Variants in TMTC1 observed in about 807,000 individuals in gnomAD.
TMTC1 encodes transmembrane O-mannosyltransferase targeting cadherins 1.
Under a neutral mutation model 104.8 loss-of-function variants are expected in TMTC1, and 73 were observed. The ratio of observed to expected loss-of-function variants is 0.70; its 90% CI spans 0.58 to 0.85. The LOEUF (loss-of-function observed/expected upper bound fraction) is 0.85, where lower values mean the gene tolerates loss of function less well. Among genes scored for constraint, TMTC1 ranks in the 40% least tolerant of loss-of-function variants. The pLI is 0.00. For synonymous variants in TMTC1, 434 were observed against 428.7 expected, an observed-to-expected ratio of 1.01 and a Z score of -0.15; for missense variants, 1,035 against 1,096.1, an observed-to-expected ratio of 0.94 and a Z score of 0.79.
At chr12:29,688,859 A>G (rs990467882) in intron 5 of TMTC1, among the ~76,000 whole-genome samples, 1 of 152,134 alleles carries the variant, frequency 6.6e-6, no homozygotes, top group African/African-American at 2.4e-5. Context: ...ACAAAGCCCA[A>G]TTTTTAGCTG....
intron 5 of TMTC1, among the ~76,000 whole-genome samples, chr12:29,680,658 G>A (rs1280012440): frequency 6.6e-6 from 1 of 152,174 alleles, no homozygotes; most frequent in Non-Finnish European, 1.5e-5. Flanking sequence ...TGAGAGTGGT[G>A]TAATTTGGGC....
Position 29,654,376 on chromosome 12 carries a change from AG to A in TMTC1, c.939-21041del, listed in dbSNP as rs138672117. Among the ~76,000 whole-genome samples, 556 of 152,326 alleles carry A rather than the reference AG, an allele frequency of 3.7e-3. 1 individual carries two copies. The highest frequency in any genetic ancestry group is 0.013 in the African/African-American group (524 of 41,572). ...ACATCATTAGCCACCAGGGAAATAT[AG>A]GTACATCAAAACCACAATAACATAC... On this transcript the variant is annotated intron_variant, in intron 5 of 17. Transcript: ENST00000539277.
At chr12:29,569,599 C>T (rs1022097190) in intron 9 of TMTC1, among the ~76,000 whole-genome samples, 4 of 152,122 alleles carry the variant, frequency 2.6e-5, no homozygotes, top group Non-Finnish European at 5.9e-5. Context: ...TTCCAGTTAC[C>T]AAGGATAAAT....
At chr12:29,719,899 C>T (rs911837897) in intron 5 of TMTC1, among the ~76,000 whole-genome samples, 1 of 152,146 alleles carries the variant, frequency 6.6e-6, no homozygotes, top group Non-Finnish European at 1.5e-5. Context: ...ATTGCCAGAA[C>T]AAGAAATTCA....
intron 5 of TMTC1, among the ~76,000 whole-genome samples, chr12:29,740,903 C>T (rs534784362): frequency 5.9e-5 from 9 of 152,216 alleles, no homozygotes; most frequent in African/African-American, 1.2e-4. Context: ...GTCCAGAAAC[C>T]GTGTTCAACA....
At chr12:29,551,553 T>A (rs1208320501) in intron 10 of TMTC1, among the ~76,000 whole-genome samples, 1 of 152,214 alleles carries the variant, frequency 6.6e-6, no homozygotes, top group Non-Finnish European at 1.5e-5. Context: ...TATTCTATTA[T>A]GTGAACAAAA....
chr12:29,762,964 T>TTGAGTCTTGCTCAAGAGC (rs2098859804), intron 2 of TMTC1, among the ~76,000 whole-genome samples: 1 of 152,222 alleles, frequency 6.6e-6, no homozygotes, highest in Non-Finnish European at 1.5e-5. Flanking sequence ...AGCCTAGCTC[T>TTGAGTCTTGCTCAAGAGC]CTAGCAACAG....
chr12:29,552,711 T>C (rs775519641), intron 10 of TMTC1, among the ~76,000 whole-genome samples: 10 of 152,240 alleles, frequency 6.6e-5, no homozygotes, highest in Non-Finnish European at 1.0e-4. Context: ...TTATCAAATA[T>C]AAACTGTTCA....
intron 5 of TMTC1, among the ~76,000 whole-genome samples, chr12:29,743,278 T>C (rs1942873262): frequency 6.6e-6 from 1 of 152,280 alleles, no homozygotes. Context: ...TTACTGGTAA[T>C]GTACACTGCC....
chr12:29,546,292 G>A (rs77685514), intron 10 of TMTC1, among the ~76,000 whole-genome samples: 2,276 of 152,298 alleles, frequency 0.015, 57 homozygotes, highest in African/African-American at 0.052. Flanking sequence ...CTTGCAGGAG[G>A]AGGGTGGCCA....
chr12:29,770,032 T>C (rs1943560703), intron 1 of TMTC1, among the ~76,000 whole-genome samples: 1 of 151,938 alleles, frequency 6.6e-6, no homozygotes, highest in African/African-American at 2.4e-5. Flanking sequence ...ATGGCAATAG[T>C]GAGAAAGGCA....
chr12:29,727,462 C>T (rs1942426679), intron 5 of TMTC1, among the ~76,000 whole-genome samples: 3 of 152,194 alleles, frequency 2.0e-5, no homozygotes, highest in Admixed American at 6.5e-5. Context: ...CTGCAAGCTC[C>T]GCCTCCTGGG....
intron 6 of TMTC1, among the ~76,000 whole-genome samples, chr12:29,627,288 T>C (rs909895790): frequency 2.6e-5 from 4 of 152,056 alleles, no homozygotes; most frequent in African/African-American, 7.2e-5. Context: ...AATTAAAAAA[T>C]GGGCAAAGAC....
At chr12:29,751,640 A>C in intron 5 of TMTC1, 26 bp downstream of exon 5, 2 of 1,613,052 alleles carry the variant, frequency 1.2e-6, no homozygotes, top group Non-Finnish European at 1.7e-6. Context: ...GAAAACATGC[A>C]GGGACCAAGA....
At chr12:29,527,787 A>C (rs906209413) in intron 11 of TMTC1, among the ~76,000 whole-genome samples, 5 of 152,176 alleles carry the variant, frequency 3.3e-5, no homozygotes, top group Admixed American at 3.3e-4. Flanking sequence ...ATAGGCAAAG[A>C]GATTATCTTT....
chr12:29,542,227 T>G (rs1179469089), intron 10 of TMTC1, among the ~76,000 whole-genome samples: 1 of 151,964 alleles, frequency 6.6e-6, no homozygotes, highest in Non-Finnish European at 1.5e-5. Context: ...GATTTTGGAG[T>G]CACAGAAAAC....
At chr12:29,781,566 C>A (rs1016408177) in intron 1 of TMTC1, among the ~76,000 whole-genome samples, 1 of 152,176 alleles carries the variant, frequency 6.6e-6, no homozygotes, top group African/African-American at 2.4e-5. Flanking sequence ...GTAGCTCATG[C>A]CCACAAGTCC....
rs2113881 is a variant in TMTC1 at position 29,641,366 on chromosome 12, C to G, written c.939-8030G>C. The G allele has an allele frequency of 6.6e-5, 10 of 152,400 alleles. No individual in the cohort carries two copies. The East Asian group carries it at 1.2e-3, about 18-fold the overall frequency. The allele number at this position is 152,400 out of a possible 1,614,324, so 9.4% of individuals were successfully genotyped here. The stretch of plus-strand genomic sequence containing the variant: ...CACACCCCAGCCACCTCCACTGGAA[C>G]AGACACTAGTATCCATGGCTGAGAG... On this transcript the variant is annotated intron_variant, in intron 5 of 17. Transcript: ENST00000539277.
intron 5 of TMTC1, among the ~76,000 whole-genome samples, chr12:29,745,618 C>CAA (rs71444341): frequency 0.045 from 3,798 of 84,542 alleles, 247 homozygotes; most frequent in African/African-American, 0.11. Flanking sequence ...GAGACTCAAT[C>CAA]AAAAAAAAAA....
Sources: allele counts gnomAD v4.1 joint callset (sites outside exome capture counted in the v4.1 genomes callset), GRCh38; gene constraint gnomAD v4.1.1; transcripts MANE v1.5; gene names NCBI Gene and HGNC (gene_info 2026-07-23, HGNC 2026-07-21).